CSPP1: variants seen among roughly 807,000 people sequenced by gnomAD.
CSPP1 encodes centrosome and spindle pole-associated protein 1.
A neutral mutation model predicts 164.4 loss-of-function variants in CSPP1; 126 were observed. The observed-to-expected ratio is 0.77, with a 90% CI of 0.66 to 0.89. The LOEUF is 0.89. Ranked by LOEUF, CSPP1 falls within the 40% of genes least tolerant of loss-of-function variation. The pLI is 0.00. For missense variants in CSPP1, 1,395 were observed against 1,449.8 expected (o/e 0.96, Z 0.61); for synonymous variants, 472 against 476.7 (o/e 0.99, Z 0.13).
At chr8:67,172,683 G>T (rs1830710299) in intron 25 of CSPP1, 128 bp downstream of exon 25, 3 of 815,934 alleles carry the variant, frequency 3.7e-6, no homozygotes, top group Admixed American at 3.1e-5. Flanking sequence ...TAGTTAAAAT[G>T]AAATGAAACT....
chr8:67,145,243 A>G (rs1346870726), intron 17 of CSPP1, among the ~76,000 whole-genome samples: 4 of 152,112 alleles, frequency 2.6e-5, no homozygotes, highest in Non-Finnish European at 5.9e-5. Context: ...ATTTATTGGC[A>G]TAATGTTGTT....
chr8:67,157,061 G>A (rs567567499), intron 19 of CSPP1, among the ~76,000 whole-genome samples: 1 of 152,152 alleles, frequency 6.6e-6, no homozygotes, highest in Admixed American at 6.5e-5. Context: ...CCCTGTGAAT[G>A]TGATTTTTTT....
At chr8:67,081,811 A>G (rs990825975) in intron 3 of CSPP1, among the ~76,000 whole-genome samples, 1 of 152,024 alleles carries the variant, frequency 6.6e-6, no homozygotes, top group African/African-American at 2.4e-5. Context: ...GTGGCACCAT[A>G]ATAGCTTACT....
intron 9 of CSPP1, among the ~76,000 whole-genome samples, chr8:67,111,097 CA>C (rs1816757510): frequency 2.0e-5 from 3 of 152,244 alleles, no homozygotes; most frequent in African/African-American, 7.2e-5. Context: ...ATAATGAAGG[CA>C]GTACAGAAAT....
At chr8:67,136,752 G>A (rs751080230) in intron 16 of CSPP1, among the ~76,000 whole-genome samples, 8 of 151,820 alleles carry the variant, frequency 5.3e-5, no homozygotes, top group Non-Finnish European at 8.8e-5. Context: ...AAGGTTGAGG[G>A]TAGACTTTGT....
rs140095295 is a variant in CSPP1, at chr8:67,194,288, A to G, written c.3469+686A>G. Among the ~76,000 whole-genome samples, 118 of 152,332 alleles carry G rather than the reference A, an allele frequency of 7.7e-4. 1 individual carries two copies. The highest frequency in any genetic ancestry group is 2.7e-3 in the African/African-American group (111 of 41,580). ...GTGGTCTATTTGGGAAATACTCTTT[A>G]GTCTGTTAATCTACATTACAATAAT... On this transcript the variant is annotated intron_variant, in intron 30 of 30. Transcript: ENST00000678616.
intron 3 of CSPP1, among the ~76,000 whole-genome samples, chr8:67,083,461 G>GGT (rs1370192668): frequency 6.7e-6 from 1 of 148,336 alleles, no homozygotes; most frequent in African/African-American, 2.5e-5. Context: ...GAACCTGGGA[G>GGT]GTGGAGGTTG....
intron 28 of CSPP1, among the ~76,000 whole-genome samples, chr8:67,186,998 T>C (rs547753195): frequency 6.7e-6 from 1 of 150,318 alleles, no homozygotes; most frequent in Non-Finnish European, 1.5e-5. Flanking sequence ...TCTATCTATC[T>C]ATCTATCTAT....
At chr8:67,135,777 A>G (rs1822133620) in intron 16 of CSPP1, 1 of 152,188 alleles carries the variant, frequency 6.6e-6, no homozygotes, top group Non-Finnish European at 1.5e-5. Context: ...CAAAGTGTTT[A>G]TTTAACATAA....
chr8:67,132,110 A>C (rs1433316791), intron 16 of CSPP1, 30 bp downstream of exon 16: 1 of 1,602,486 alleles, frequency 6.2e-7, no homozygotes, highest in South Asian at 1.1e-5. Flanking sequence ...TTTACTGTTG[A>C]ACCTCTTAAG....
chr8:67,123,955 A>G (rs1255293360), intron 15 of CSPP1, among the ~76,000 whole-genome samples: 1 of 138,620 alleles, frequency 7.2e-6, no homozygotes, highest in Non-Finnish European at 1.5e-5. Context: ...GCTGGAGTGC[A>G]GTGGTGCGAT....
At chr8:67,106,144 T>C (rs1037965241) in intron 9 of CSPP1, among the ~76,000 whole-genome samples, 169 bp downstream of exon 9, 1 of 152,200 alleles carries the variant, frequency 6.6e-6, no homozygotes, top group Non-Finnish European at 1.5e-5. Context: ...TATATAGCTC[T>C]GTATAATTTT....
chr8:67,156,514 A>G (rs1442119822), intron 19 of CSPP1, among the ~76,000 whole-genome samples: 1 of 152,192 alleles, frequency 6.6e-6, no homozygotes, highest in Non-Finnish European at 1.5e-5. Context: ...TTCTTTCAGC[A>G]GCCTCTTCAA....
intron 3 of CSPP1, chr8:67,081,086 G>T (rs1431397045): frequency 1.3e-5 from 2 of 152,200 alleles, no homozygotes; most frequent in Non-Finnish European, 2.9e-5. Context: ...CTTCTCTGTA[G>T]CATAAACTCT....
intron 17 of CSPP1, among the ~76,000 whole-genome samples, chr8:67,141,366 T>G (rs1312334008): frequency 6.6e-6 from 1 of 152,138 alleles, no homozygotes; most frequent in Non-Finnish European, 1.5e-5. Context: ...AATAGTAATG[T>G]TTAGTTGGCT....
chr8:67,078,129 G>A (rs73693108), intron 3 of CSPP1, among the ~76,000 whole-genome samples: 3,830 of 152,128 alleles, frequency 0.025, 139 homozygotes, highest in African/African-American at 0.086. Context: ...CAAGCACTAA[G>A]GTCGCTAAGG....
At chr8:67,116,168 C>G (rs1817887177) in intron 13 of CSPP1, 46 bp downstream of exon 13, 3 of 1,360,828 alleles carry the variant, frequency 2.2e-6, no homozygotes, top group Non-Finnish European at 3.2e-6. Context: ...TAAGGTATTG[C>G]TATATTTTAT....
intron 3 of CSPP1, among the ~76,000 whole-genome samples, chr8:67,082,816 G>A (rs1056911599): frequency 2.0e-5 from 3 of 152,124 alleles, no homozygotes; most frequent in African/African-American, 7.2e-5. Context: ...TAGGGTCATT[G>A]ATGTTATACT....
chr8:67,102,999 T>G, intron 7 of CSPP1, 38 bp from the exon 8 acceptor site: 1 of 1,211,874 alleles, frequency 8.3e-7, no homozygotes, highest in Non-Finnish European at 1.2e-6. Flanking sequence ...AGGTCCACTG[T>G]ATGTGGCACA....
Sources: allele counts gnomAD v4.1 joint callset (sites outside exome capture counted in the v4.1 genomes callset), GRCh38; gene constraint gnomAD v4.1.1; transcripts MANE v1.5; gene names NCBI Gene and HGNC (gene_info 2026-07-23, HGNC 2026-07-21).